Variants in CEP162 observed in about 807,000 individuals in gnomAD.
The protein encoded by CEP162 is centrosomal protein of 162 kDa.
Under a neutral mutation model 169.2 loss-of-function variants are expected in CEP162, and 141 were observed. The observed-to-expected ratio is 0.83, with a 90% CI of 0.73 to 0.96. The LOEUF (loss-of-function observed/expected upper bound fraction) is 0.96, where lower values mean the gene tolerates loss of function less well. Among genes scored for constraint, CEP162 ranks in the 40% least tolerant of loss-of-function variants. The probability of loss-of-function intolerance (pLI) is 0.00; values close to 1 mark genes in which losing one functional copy is unlikely to be tolerated. For missense variants in CEP162, 1,600 were observed against 1,587.2 expected, an observed-to-expected ratio of 1.01 and a Z score of -0.14; for synonymous variants, 540 against 526.4, an observed-to-expected ratio of 1.03 and a Z score of -0.35.
In CEP162 at chr6:84,126,378, C is replaced by T; in HGVS notation, c.4005G>A (p.Gln1335=). ...AATATGTAAATGTGATTTACTTTAC[C>T]TGTTGAAGTTCCTGTTCTCTTTGTG... ...RHAQREQELQ[Q]IIQQTHQVVE... The change falls in exon 26 of 27, where the codon CAG becomes CAA. Residue 1335 remains glutamine, a splice_region_variant and synonymous_variant. Coordinates refer to ENST00000403245, the MANE Select transcript of CEP162 (RefSeq NM_014895.4). The T allele has an allele frequency of 1.3e-6, 2 of 1,579,230 alleles. No individual in the cohort carries two copies. The highest frequency in any genetic ancestry group is 2.3e-5 in the East Asian group (1 of 43,936).
intron 19 of CEP162, 118 bp from the exon 20 acceptor site, chr6:84,162,027 T>A (rs2099525985): frequency 7.6e-6 from 5 of 660,822 alleles, no homozygotes; most frequent in Non-Finnish European, 1.3e-5. Context: ...TATGAAAAAA[T>A]AAGAAGCATA....
At chr6:84,200,712 T>C in intron 9 of CEP162, 77 bp downstream of exon 9, 1 of 633,224 alleles carries the variant, frequency 1.6e-6, no homozygotes, top group Non-Finnish European at 2.9e-6. Flanking sequence ...TATATATATA[T>C]TTCCTTAGAA....
chr6:84,211,663 A>C (rs1046977998), intron 6 of CEP162, among the ~76,000 whole-genome samples: 1 of 151,908 alleles, frequency 6.6e-6, no homozygotes, highest in African/African-American at 2.4e-5. Context: ...AAAAGTTTTT[A>C]AAAAATGGAA....
Position 84,226,372 on chromosome 6 carries a change from C to A in CEP162, c.22G>T (p.Glu8Ter), listed in dbSNP as rs1159037368. The A allele has an allele frequency of 6.4e-7, 1 of 1,569,192 alleles. No homozygotes were observed. The highest frequency in any genetic ancestry group is 1.2e-5 in the South Asian group (1 of 85,658). ...AACTGTTCAAACTCTTCATCTAGCT[C>A]TTCTTGGGAACAGTTAGCCATAGTC... MANCSQE[E>*]LDEEFEQFMK... is the part of the protein sequence containing the mutation. The change falls in exon 2 of 27, where the codon GAG becomes TAG. Residue 8 changes from glutamate (E) to a stop codon, truncating the protein, a stop_gained. Coordinates refer to ENST00000403245, the MANE Select transcript of CEP162 (RefSeq NM_014895.4). LOFTEE classifies it high-confidence loss of function.
chr6:84,146,640 T>C, intron 25 of CEP162, 47 bp downstream of exon 25: 1 of 810,116 alleles, frequency 1.2e-6, no homozygotes, highest in South Asian at 1.7e-5. Flanking sequence ...ATGATTGAAA[T>C]GCCTAAGAAA....
At chr6:84,147,217 TAAGTG>T (rs2099519267) in intron 24 of CEP162, among the ~76,000 whole-genome samples, 1 of 152,100 alleles carries the variant, frequency 6.6e-6, no homozygotes, top group Non-Finnish European at 1.5e-5. Flanking sequence ...GTCATTATGT[TAAGTG>T]AAGTAAGCTA....
At chr6:84,202,495 TTTTTC>T (rs970854889) in intron 7 of CEP162, among the ~76,000 whole-genome samples, 10 of 151,436 alleles carry the variant, frequency 6.6e-5, no homozygotes, top group South Asian at 4.2e-4. Flanking sequence ...GACCTATTCA[TTTTTC>T]TTTTCTTTTC....
At chr6:84,219,790 G>A (rs972806886) in intron 3 of CEP162, among the ~76,000 whole-genome samples, 26 of 152,158 alleles carry the variant, frequency 1.7e-4, no homozygotes, top group African/African-American at 6.0e-4. Flanking sequence ...CAAGGACAAA[G>A]AAGTGTTTCC....
intron 21 of CEP162, among the ~76,000 whole-genome samples, chr6:84,158,653 A>G (rs925549132): frequency 6.6e-6 from 1 of 152,184 alleles, no homozygotes; most frequent in African/African-American, 2.4e-5. Flanking sequence ...GTTTCCTCTG[A>G]TACTAGTTAA....
At chr6:84,178,790 C>T in intron 13 of CEP162, among the ~76,000 whole-genome samples, 1 of 152,170 alleles carries the variant, frequency 6.6e-6, no homozygotes, top group South Asian at 2.1e-4. Context: ...GGTATATCTC[C>T]TAATGCTATA....
intron 24 of CEP162, among the ~76,000 whole-genome samples, chr6:84,148,181 G>A (rs1370779145): frequency 6.6e-6 from 1 of 152,082 alleles, no homozygotes; most frequent in African/African-American, 2.4e-5. Context: ...GGCACTTTAA[G>A]TATTTTTCAT....
At chr6:84,206,253 C>T (rs2099546927) in intron 6 of CEP162, among the ~76,000 whole-genome samples, 1 of 144,204 alleles carries the variant, frequency 6.9e-6, no homozygotes, top group South Asian at 2.1e-4. Context: ...AAAGAGCCTG[C>T]ATTACCAAGA....
At chr6:84,170,865 C>T (rs1253179525) in intron 17 of CEP162, among the ~76,000 whole-genome samples, 2 of 152,174 alleles carry the variant, frequency 1.3e-5, no homozygotes, top group African/African-American at 4.8e-5. Flanking sequence ...TGCTGGTGCT[C>T]CATAACCCTG....
At chr6:84,180,890 G>T (rs1286025007) in intron 13 of CEP162, among the ~76,000 whole-genome samples, 1 of 152,158 alleles carries the variant, frequency 6.6e-6, no homozygotes, top group Non-Finnish European at 1.5e-5. Flanking sequence ...TGGATAGGAA[G>T]AATCAATATC....
At chr6:84,209,806 G>T (rs1452808408) in intron 6 of CEP162, among the ~76,000 whole-genome samples, 2 of 152,056 alleles carry the variant, frequency 1.3e-5, no homozygotes, top group African/African-American at 4.8e-5. Flanking sequence ...TAGTAACTAA[G>T]CAGCCTACAG....
intron 13 of CEP162, among the ~76,000 whole-genome samples, chr6:84,178,660 T>A (rs1470875142): frequency 6.6e-6 from 1 of 152,170 alleles, no homozygotes; most frequent in Admixed American, 6.5e-5. Context: ...CTTATCTCCT[T>A]TTCTTTTTTA....
Position 84,142,356 on chromosome 6 carries a change from GA to G in CEP162, c.3870+4330del, listed in dbSNP as rs1438277526. On this transcript the variant is annotated intron_variant, in intron 25 of 26. Coordinates refer to ENST00000403245, the MANE Select transcript of CEP162 (RefSeq NM_014895.4). ...TGTCTCATGGCTAAAACTTTAAAAT[GA>G]AAGCTATATGATCTCTGCATCTGTC... is the stretch of plus-strand genomic sequence containing the variant. Among the ~76,000 whole-genome samples the G allele has an allele frequency of 4.6e-5, 7 of 152,270 alleles. No homozygotes were observed. In the East Asian group the frequency reaches 1.4e-3, roughly 29 times the overall value.
rs1457258897 is a variant in CEP162 at position 84,134,919 on chromosome 6, T to TATAC, written c.3871-8408_3871-8407insGTAT. On this transcript the variant is annotated intron_variant, in intron 25 of 26. Transcript: ENST00000403245. ...TATACTGTCATGAAAAGATCATATA[T>TATAC]ACACACACACACACACACACACACA... 3.9e-3 allele frequency among the ~76,000 whole-genome samples: 584 copies of TATAC among 148,372 alleles called. 1 individual carries two copies. The highest frequency in any genetic ancestry group is 0.014 in the African/African-American group (558 of 40,372).
At chr6:84,219,509 T>C (rs2127754538) in intron 3 of CEP162, among the ~76,000 whole-genome samples, 1 of 152,308 alleles carries the variant, frequency 6.6e-6, no homozygotes, top group African/African-American at 2.4e-5. Context: ...ACAAAAGGCT[T>C]TGTGTCCCAA....
Sources: gnomAD v4.1 joint callset for allele counts (sites outside exome capture counted in the v4.1 genomes callset) on GRCh38, gnomAD v4.1.1 for gene constraint, MANE v1.5 for transcripts, NCBI Gene and HGNC (gene_info 2026-07-23, HGNC 2026-07-21) for gene names.